Variants in DSP observed in about 807,000 individuals in gnomAD.
The protein encoded by DSP is 250/210 kDa paraneoplastic pemphigus antigen.
A neutral mutation model predicts 290.6 loss-of-function variants in DSP; 114 were observed. The ratio of observed to expected loss-of-function variants is 0.39; its 90% confidence interval spans 0.34 to 0.46. The LOEUF is 0.46. Ranked by LOEUF, DSP falls within the 20% of genes least tolerant of loss-of-function variation. The pLI is 0.99. For missense variants in DSP, 3,230 were observed against 3,495.8 expected (o/e 0.92, Z 1.92); for synonymous variants, 1,311 against 1,316.4 (o/e 1.00, Z 0.09).
Position 7,579,557 on chromosome 6 carries a change from A to G in DSP, c.3367A>G (p.Arg1123Gly). Residue 1123 changes from arginine to glycine, a missense_variant, in exon 23 of 24, where the codon AGA (arginine) becomes GGA (glycine). Transcript: ENST00000379802. This position sits in a 1 kb window ranked among gnomAD's most constrained non-coding sequence, Gnocchi z 4.1. ...RLTYEIEDEK[R>G]RRKSVEDRFD... ...GACTTATGAGATTGAAGATGAAAAGAGAAGAAGAAAATCTGTGGAAGACAG... is the reference window on the plus strand; with the variant it reads ...GACTTATGAGATTGAAGATGAAAAGGGAAGAAGAAAATCTGTGGAAGACAG... 6.2e-7 allele frequency: 1 copy of G among 1,613,962 alleles called. No homozygotes were observed. The highest frequency in any genetic ancestry group is 8.5e-7 in the Non-Finnish European group (1 of 1,180,038).
rs1467252670 is a variant in DSP at position 7,576,960 on chromosome 6, A to G, written c.2795A>G (p.Asn932Ser). Residue 932 changes from asparagine to serine, a missense_variant and splice_region_variant, in exon 20 of 24, where the codon AAC becomes AGC. Physicochemically the swap from Asn to Ser is conservative, Grantham distance 46 (BLOSUM62 1). This residue lies in a region of DSP where 1,714 missense variants were observed against 1,844.5 expected (regional missense o/e 0.93). Transcript: ENST00000379802. ...TVMRFLNEQK[N>S]LHSEISGKRD... ...GTAAATATTTCACTTTTTGTATAGAACTTGCACAGTGAAATATCTGGCAAA... is the reference window on the plus strand; with the variant it reads ...GTAAATATTTCACTTTTTGTATAGAGCTTGCACAGTGAAATATCTGGCAAA... 6.2e-7 allele frequency: 1 copy of G among 1,613,178 alleles called. No individual in the cohort carries two copies. Among genetic ancestry groups the G allele is most frequent in the Admixed American group, 1.7e-5 (1 of 59,950 alleles).
chr6:7,575,327 G>A lies in DSP; in HGVS notation c.2469G>A (p.Ser823=), dbSNP rs368945617. The A allele has an allele frequency of 1.8e-5, 29 of 1,613,380 alleles. No homozygotes were observed. The highest frequency in any genetic ancestry group is 6.6e-5 in the South Asian group (6 of 91,070). ...AAAATGACTTGAACTTGAAGAAGTC[G>A]TTGTTGGCCACTATGAAGACAGAAC... The part of the protein sequence containing the change: ...KIKNDLNLKK[S]LLATMKTELQ... The change falls in exon 18 of 24, where the codon TCG becomes TCA. Residue 823 remains serine, a synonymous_variant. Coordinates refer to ENST00000379802, the MANE Select transcript of DSP (RefSeq NM_004415.4).
chr6:7,568,915 C>T, intron 11 of DSP, among the ~76,000 whole-genome samples: 1 of 152,120 alleles, frequency 6.6e-6, no homozygotes, highest in East Asian at 1.9e-4. Context: ...TTTTATGTTG[C>T]ATATAAAGTG....
Position 7,585,683 on chromosome 6 carries a change from C to T in DSP, c.8421C>T (p.Ser2807=), listed in dbSNP as rs752007344. Residue 2807 remains serine (S), a synonymous_variant, in exon 24 of 24, where the codon TCC becomes TCT. Transcript: ENST00000379802. ...GGCTGCGCCTTCTGGAAGCCGCCTC[C>T]GTGTCGTCCAAGGGCTTACCCAGCC... is the stretch of plus-strand genomic sequence containing the variant. ...ITGLRLLEAA[S]VSSKGLPSPY... The T allele has an allele frequency of 3.7e-6, 6 of 1,614,198 alleles. No homozygotes were observed. The highest frequency in any genetic ancestry group is 3.3e-4 in the Middle Eastern group (2 of 6,060).
Position 7,558,164 on chromosome 6 carries a change from G to A in DSP, c.322G>A (p.Asp108Asn), listed in dbSNP as rs1272672249. The A allele has an allele frequency of 4.3e-6, 7 of 1,614,116 alleles. No homozygotes were observed. Among genetic ancestry groups the A allele is most frequent in the Non-Finnish European group, 5.9e-6 (7 of 1,180,044 alleles). The change falls in exon 3 of 24, where the codon GAT becomes AAT. Residue 108 changes from aspartate (D) to asparagine (N), a missense_variant. Physicochemically the swap from Asp to Asn is conservative, Grantham distance 23. Coordinates refer to ENST00000379802, the MANE Select transcript of DSP (RefSeq NM_004415.4). The part of the protein sequence containing the change: ...GIQLTRSREL[D>N]ECFAQANDQM... ...ACAACTGACTCGGAGTCGAGAATTGGATGAGTGTTTTGCCCAGGCCAATGA... is the reference window on the plus strand; with the variant it reads ...ACAACTGACTCGGAGTCGAGAATTGAATGAGTGTTTTGCCCAGGCCAATGA...
At chr6:7,568,905 T>C (rs1258467629) in intron 11 of DSP, among the ~76,000 whole-genome samples, 1 of 152,234 alleles carries the variant, frequency 6.6e-6, no homozygotes, top group Non-Finnish European at 1.5e-5. Flanking sequence ...GAAATGATGC[T>C]TTTATGTTGC....
rs145193988 is a variant in DSP at position 7,558,507 on chromosome 6, CTTTTTTTTTT to C, written c.422+259_422+268del. On this transcript the variant is annotated intron_variant, in intron 3 of 23. Transcript: ENST00000379802. Reference sequence around the variant, plus strand: ...GAAAGCCCTTTGGCATGGCATTTGACTTTTTTTTTTTTTTTTTTTTTTTTTGAGACAGGGT... The same window carrying C: ...GAAAGCCCTTTGGCATGGCATTTGACTTTTTTTTTTTTTTTGAGACAGGGT... Among the ~76,000 whole-genome samples the C allele has an allele frequency of 5.6e-3, 582 of 104,572 alleles. 6 individuals are homozygous for C. Among genetic ancestry groups the C allele is most frequent in the African/African-American group, 0.021 (549 of 26,580 alleles). The allele number at this position is 104,572 out of a possible 152,430, so 68.6% of individuals were successfully genotyped here. A position where few individuals can be genotyped will look rare whatever the true frequency, so the allele number is the denominator to read the frequency against.
intron 12 of DSP, among the ~76,000 whole-genome samples, chr6:7,569,903 G>C (rs1758990370): frequency 6.6e-6 from 1 of 152,034 alleles, no homozygotes; most frequent in Non-Finnish European, 1.5e-5. Flanking sequence ...CACTTCAAAG[G>C]CATCATTTTA....
rs1759570987 is a variant in DSP, at chr6:7,584,695, C to T, written c.7433C>T (p.Ser2478Phe). Residue 2478 changes from serine (S) to phenylalanine (F), a missense_variant, in exon 24 of 24, where the codon TCT becomes TTT. Physicochemically the swap from Ser to Phe is radical, Grantham distance 155. Transcript: ENST00000379802. This position sits in a 1 kb window ranked among gnomAD's most constrained non-coding sequence, Gnocchi z 6.4. Reference protein sequence around the residue: ...IVDPETNKEMSVQEAYKKGLI... With the variant: ...IVDPETNKEMFVQEAYKKGLI... ...GACCCAGAAACCAATAAAGAAATGTCTGTTCAGGAGGCCTACAAGAAGGGC... is the reference window on the plus strand; with the variant it reads ...GACCCAGAAACCAATAAAGAAATGTTTGTTCAGGAGGCCTACAAGAAGGGC... The T allele has an allele frequency of 7.4e-6, 12 of 1,614,068 alleles. No homozygotes were observed. The highest frequency in any genetic ancestry group is 9.3e-6 in the Non-Finnish European group (11 of 1,180,046).
rs532706867 is a variant in DSP, at chr6:7,571,600, C to G, written c.1903+16C>G. ...CACCAGACAGGTCGGCTTGGGACAT[C>G]TTTCTCTTTGTATCAACCATCCATA... On this transcript the variant is annotated intron_variant, in intron 14 of 23. Transcript: ENST00000379802. The G allele has an allele frequency of 1.2e-6, 2 of 1,613,996 alleles. No individual in the cohort carries two copies. Among genetic ancestry groups the G allele is most frequent in the Admixed American group, 3.3e-5 (2 of 60,032 alleles).
chr6:7,565,556 T>C lies in DSP; in HGVS notation c.939+36T>C, dbSNP rs1446570370. On this transcript the variant is annotated intron_variant, in intron 7 of 23. Transcript: ENST00000379802. The surrounding 1 kb of genome is among the most constrained non-coding windows in gnomAD (Gnocchi z 4.2). ...CCCACGCGGCTGTAGATGCTTGTCT[T>C]GAGCCTGTTGCCTTGAAGAGCTGGG... is the stretch of plus-strand genomic sequence containing the variant. The C allele has an allele frequency of 6.2e-7, 1 of 1,613,276 alleles. No homozygotes were observed. Among genetic ancestry groups the C allele is most frequent in the South Asian group, 1.1e-5 (1 of 91,032 alleles).
chr6:7,582,525 A>G lies in DSP; in HGVS notation c.5380-117A>G. The G allele has an allele frequency of 1.0e-6, 1 of 998,384 alleles. No individual in the cohort carries two copies. The allele number at this position is 998,384 out of a possible 1,614,324, so 61.8% of individuals were successfully genotyped here. On this transcript the variant is annotated intron_variant, in intron 23 of 23. Coordinates refer to ENST00000379802, the MANE Select transcript of DSP (RefSeq NM_004415.4). This position sits in a 1 kb window ranked among gnomAD's most constrained non-coding sequence, Gnocchi z 4.2. Reference sequence around the variant, plus strand: ...TATCCAGGGACAATATAGAAAGAAAAAATAAGCAAGGCTTTTTTTTTTAAA... The same window carrying G: ...TATCCAGGGACAATATAGAAAGAAAGAATAAGCAAGGCTTTTTTTTTTAAA...
rs754773488 is a variant in DSP at position 7,541,961 on chromosome 6, C to A, written c.46C>A (p.Arg16Ser). 8.1e-6 allele frequency: 13 copies of A among 1,608,152 alleles called. No individual in the cohort carries two copies. The South Asian group carries it at 1.4e-4, about 18-fold the overall frequency. ...GSHPRINTLGRMIRAESGPDL... is the reference protein window; with the variant it reads ...GSHPRINTLGSMIRAESGPDL... ...CCACCCGCGGATCAACACTCTGGGC[C>A]GCATGATCCGCGCCGAGTCTGGCCC... is the stretch of plus-strand genomic sequence containing the variant. The change falls in exon 1 of 24, where the codon CGC (arginine) becomes AGC (serine). Residue 16 changes from arginine (R) to serine (S), a missense_variant. Arg to Ser is a moderately radical substitution (Grantham distance 110, BLOSUM62 -1). Transcript: ENST00000379802.
In DSP at chr6:7,585,199, C is replaced by T. The variant is rs1425701789; in HGVS notation, c.7937C>T (p.Thr2646Met). 7.4e-6 allele frequency: 12 copies of T among 1,614,004 alleles called. No individual in the cohort carries two copies. In the East Asian group the frequency reaches 8.9e-5, roughly 12 times the overall value. ...GAGCGGGGCATCGTTGACAGCATCA[C>T]GGGTCAGAGGCTTCTGGAGGCTCAG... Reference protein sequence around the residue: ...GIERGIVDSITGQRLLEAQAC... With the variant: ...GIERGIVDSIMGQRLLEAQAC... Residue 2646 changes from threonine to methionine, a missense_variant, in exon 24 of 24, where the codon ACG becomes ATG. Coordinates refer to ENST00000379802, the MANE Select transcript of DSP (RefSeq NM_004415.4).
At chr6:7,552,128 T>C (rs775297676) in intron 1 of DSP, among the ~76,000 whole-genome samples, 4 of 152,232 alleles carry the variant, frequency 2.6e-5, no homozygotes, top group Admixed American at 1.3e-4. Context: ...TTTATTTCAT[T>C]GTTCCAACAC....
chr6:7,541,978 G>A lies in DSP; in HGVS notation c.63G>A (p.Glu21=), dbSNP rs770404661. 4 of 1,605,014 alleles carry A rather than the reference G, an allele frequency of 2.5e-6. No homozygotes were observed. The highest frequency in any genetic ancestry group is 2.7e-5 in the African/African-American group (2 of 74,898). Residue 21 remains glutamate, a synonymous_variant, in exon 1 of 24, where the codon GAG becomes GAA. Coordinates refer to ENST00000379802, the MANE Select transcript of DSP (RefSeq NM_004415.4). The part of the protein sequence containing the change: ...INTLGRMIRA[E]SGPDLRYEVT... ...CTCTGGGCCGCATGATCCGCGCCGAGTCTGGCCCGGACCTGCGCTACGAGG... is the reference window on the plus strand; with the variant it reads ...CTCTGGGCCGCATGATCCGCGCCGAATCTGGCCCGGACCTGCGCTACGAGG...
intron 10 of DSP, 84 bp downstream of exon 10, chr6:7,567,990 A>G (rs1310678702): frequency 9.5e-6 from 15 of 1,579,768 alleles, no homozygotes; most frequent in Admixed American, 3.4e-5. Flanking sequence ...GGCTCTGATT[A>G]GTATTATTGT....
rs1350712964 is a variant in DSP at position 7,585,516 on chromosome 6, C to T, written c.8254C>T (p.Arg2752Trp). 10 of 1,613,986 alleles carry T rather than the reference C, an allele frequency of 6.2e-6. No homozygotes were observed. Among genetic ancestry groups the T allele is most frequent in the Admixed American group, 5.0e-5 (3 of 60,000 alleles). Residue 2752 changes from arginine to tryptophan, a missense_variant, in exon 24 of 24, where the codon CGG becomes TGG. Arg to Trp is a moderately radical substitution (Grantham distance 101, BLOSUM62 -3). Coordinates refer to ENST00000379802, the MANE Select transcript of DSP (RefSeq NM_004415.4). ...HGRISTEEAIRKGFIDGRAAQ... is the reference protein window; with the variant it reads ...HGRISTEEAIWKGFIDGRAAQ... ...GAGGATAAGCACCGAAGAAGCCATCCGGAAGGGGTTCATAGATGGCCGCGC... is the reference window on the plus strand; with the variant it reads ...GAGGATAAGCACCGAAGAAGCCATCTGGAAGGGGTTCATAGATGGCCGCGC...
intron 1 of DSP, among the ~76,000 whole-genome samples, chr6:7,542,685 G>T (rs925487499): frequency 3.9e-5 from 6 of 152,156 alleles, no homozygotes; most frequent in Non-Finnish European, 8.8e-5. Context: ...AGGCGCTTCG[G>T]CTTCCCCTGT....
Sources: gnomAD v4.1 joint callset for allele counts (sites outside exome capture counted in the v4.1 genomes callset) on GRCh38, gnomAD v4.1.1 for gene constraint, gnomAD v4.1.1 regional missense constraint, Gnocchi (gnomAD v3.1) non-coding constraint, MANE v1.5 for transcripts, NCBI Gene and HGNC (gene_info 2026-07-23, HGNC 2026-07-21) for gene names.